ZNF330: variants seen among roughly 807,000 people sequenced by gnomAD.
ZNF330 encodes nucleolar atypical zinc finger, also known as zinc finger protein 330.
Under a neutral mutation model 45.5 loss-of-function variants are expected in ZNF330, and 31 were observed. The observed-to-expected ratio is 0.68, with a 90% CI of 0.51 to 0.92. The LOEUF (loss-of-function observed/expected upper bound fraction) is 0.92. ZNF330 is among the 40% of genes least tolerant of loss of function. The pLI is 0.00. For synonymous variants in ZNF330, 138 were observed against 123.2 expected, an observed-to-expected ratio of 1.12 and a Z score of -0.79; for missense variants, 356 against 387.4, an observed-to-expected ratio of 0.92 and a Z score of 0.68.
At chr4:141,231,364 A>T in intron 7 of ZNF330, 75 bp from the exon 8 acceptor site, 1 of 1,385,400 alleles carries the variant, frequency 7.2e-7, no homozygotes, top group Non-Finnish European at 9.9e-7. Flanking sequence ...GCAAGCTTTT[A>T]GTGATTTGAT....
At chr4:141,232,695 A>G (rs1157628694) in intron 9 of ZNF330, 53 bp downstream of exon 9, 2 of 1,013,244 alleles carry the variant, frequency 2.0e-6, no homozygotes, top group African/African-American at 1.7e-5. Context: ...ACTTAGACAA[A>G]GTTTATCTTT....
chr4:141,229,717 T>G lies in ZNF330; in HGVS notation c.418+20T>G. On this transcript the variant is annotated intron_variant, in intron 6 of 9. Coordinates refer to ENST00000262990, the MANE Select transcript of ZNF330 (RefSeq NM_014487.6). ...ACCATGGTGAGTCATTAGACACAAG[T>G]AATGAGCTTTGTTATAGGTGAATGT... 1 of 1,612,478 alleles carries G rather than the reference T, an allele frequency of 6.2e-7. No homozygotes were observed. The highest frequency in any genetic ancestry group is 1.1e-5 in the South Asian group (1 of 90,972).
chr4:141,224,827 T>C lies in ZNF330; in HGVS notation c.211+150T>C, dbSNP rs561691863. On this transcript the variant is annotated intron_variant, in intron 4 of 9. Transcript: ENST00000262990. ...TTAACAAAATAACAAAACATGTTAT[T>C]TTGCCTACCAAAAAACTATCAAGCC... is the stretch of plus-strand genomic sequence containing the variant. 1.1e-3 allele frequency: 709 copies of C among 652,830 alleles called. 2 individuals carry two copies. The highest frequency in any genetic ancestry group is 1.5e-3 in the Non-Finnish European group (595 of 388,488). 40.4% of individuals were successfully genotyped at this position (652,830 alleles called of 1,614,324 possible).
chr4:141,229,510 T>G, intron 5 of ZNF330, 61 bp from the exon 6 acceptor site: 1 of 1,604,446 alleles, frequency 6.2e-7, no homozygotes, highest in Non-Finnish European at 8.5e-7. Context: ...TTGCCGTGGT[T>G]AAAGAATGGT....
rs774888791 is a variant in ZNF330, at chr4:141,233,938, A to T, written c.912A>T (p.Leu304Phe). ...ESSDLFTNLN[L>F]GRTYASGYAH... ...CAGATTTGTTTACTAATTTGAATTTAGGAAGGACCTATGCTAGTGGCTATG... is the reference window on the plus strand; with the variant it reads ...CAGATTTGTTTACTAATTTGAATTTTGGAAGGACCTATGCTAGTGGCTATG... The change falls in exon 10 of 10, where the codon TTA (leucine) becomes TTT (phenylalanine). Residue 304 changes from leucine to phenylalanine, a missense_variant. Leu to Phe is a conservative substitution (Grantham distance 22). Coordinates refer to ENST00000262990, the MANE Select transcript of ZNF330 (RefSeq NM_014487.6). 8 of 1,613,668 alleles carry T rather than the reference A, an allele frequency of 5.0e-6. No homozygotes were observed. Among genetic ancestry groups the T allele is most frequent in the Non-Finnish European group, 5.9e-6 (7 of 1,179,770 alleles).
At chr4:141,222,863 C>T (rs1728717116) in intron 2 of ZNF330, 1 of 162,700 alleles carries the variant, frequency 6.1e-6, no homozygotes, top group Admixed American at 6.0e-5. Context: ...CTGTTGGCTT[C>T]CCATTCTATT....
chr4:141,231,469 C>G lies in ZNF330; in HGVS notation c.554C>G (p.Ser185Ter). 6.2e-7 allele frequency: 1 copy of G among 1,604,390 alleles called. No individual in the cohort carries two copies. Among genetic ancestry groups the G allele is most frequent in the Non-Finnish European group, 8.5e-7 (1 of 1,175,992 alleles). The change falls in exon 8 of 10, where the codon TCA becomes TGA. Residue 185 changes from serine to a stop codon, truncating the protein, a stop_gained. Transcript: ENST00000262990. LOFTEE classifies it high-confidence loss of function. ...TCATGCAATCGGCTTGGTCAGCACT[C>G]ATGTCTCCGTTGTAAGGTATACCAA... ...CVSCNRLGQH[S>*]CLRCKACFCD...
intron 5 of ZNF330, among the ~76,000 whole-genome samples, chr4:141,228,555 C>T (rs1728863889): frequency 6.6e-6 from 1 of 152,084 alleles, no homozygotes; most frequent in South Asian, 2.1e-4. Context: ...CTAAGAACTT[C>T]CCTGTCCTCT....
At chr4:141,221,339 G>A (rs578225502) in intron 1 of ZNF330, among the ~76,000 whole-genome samples, 49 of 152,198 alleles carry the variant, frequency 3.2e-4, no homozygotes, top group Non-Finnish European at 6.6e-4. Flanking sequence ...ACCCGTATAA[G>A]GCTGAGAAGA....
In ZNF330 at chr4:141,224,717, C is replaced by T. The variant is rs2111248510; in HGVS notation, c.211+40C>T. The stretch of plus-strand genomic sequence containing the variant: ...ATTAAGGACATATGCTTTTTATCAA[C>T]TGGTAGTTCAACAATTTGAACTTGG... On this transcript the variant is annotated intron_variant, in intron 4 of 9. Coordinates refer to ENST00000262990, the MANE Select transcript of ZNF330 (RefSeq NM_014487.6). 3.2e-6 allele frequency: 5 copies of T among 1,560,130 alleles called. No individual in the cohort carries two copies. In the East Asian group the frequency reaches 1.1e-4, roughly 35 times the overall value.
intron 4 of ZNF330, 100 bp downstream of exon 4, chr4:141,224,777 T>G (rs2111248619): frequency 1.1e-6 from 1 of 951,948 alleles, no homozygotes; most frequent in East Asian, 2.4e-5. Context: ...GTGCTTACAA[T>G]TGTTGATAAT....
intron 5 of ZNF330, 145 bp from the exon 6 acceptor site, chr4:141,229,426 A>G: frequency 2.9e-6 from 3 of 1,024,118 alleles, no homozygotes; most frequent in Middle Eastern, 5.1e-4. Flanking sequence ...TAGAGTGAGT[A>G]GTAAAATGTT....
chr4:141,229,095 C>T (rs1341310943), intron 5 of ZNF330, among the ~76,000 whole-genome samples: 1 of 151,926 alleles, frequency 6.6e-6, no homozygotes, highest in Non-Finnish European at 1.5e-5. Flanking sequence ...GCAGAAGTTT[C>T]GTATTTCTCA....
chr4:141,224,578 T>A (rs529827836), intron 3 of ZNF330, 29 bp from the exon 4 acceptor site: 1 of 1,611,604 alleles, frequency 6.2e-7, no homozygotes, highest in Non-Finnish European at 8.5e-7. Flanking sequence ...ACATTGACCA[T>A]AATTTAAAAT....
chr4:141,222,475 C>T lies in ZNF330; in HGVS notation c.104C>T (p.Pro35Leu), dbSNP rs1195658636. The T allele has an allele frequency of 6.2e-7, 1 of 1,612,092 alleles. No homozygotes were observed. Among genetic ancestry groups the T allele is most frequent in the African/African-American group, 1.3e-5 (1 of 74,758 alleles). ...SRSTIDLAKH[P>L]CNASMECDKC... is the part of the protein sequence containing the mutation. Reference sequence around the variant, plus strand: ...AGCACTATAGATTTAGCTAAACATCCATGTAATGCCTCAATGGTATCAGCT... The same window carrying T: ...AGCACTATAGATTTAGCTAAACATCTATGTAATGCCTCAATGGTATCAGCT... The change falls in exon 2 of 10, where the codon CCA (proline) becomes CTA (leucine). Residue 35 changes from proline to leucine, a missense_variant. Physicochemically the swap from Pro to Leu is moderately conservative, Grantham distance 98. Coordinates refer to ENST00000262990, the MANE Select transcript of ZNF330 (RefSeq NM_014487.6).
At chr4:141,227,703 A>G (rs1578810479) in intron 5 of ZNF330, among the ~76,000 whole-genome samples, 1 of 152,174 alleles carries the variant, frequency 6.6e-6, no homozygotes, top group Admixed American at 6.5e-5. Flanking sequence ...AACAGTATTT[A>G]GTGTACCGAA....
intron 2 of ZNF330, 65 bp from the exon 3 acceptor site, chr4:141,224,422 A>G (rs1728752217): frequency 6.9e-7 from 1 of 1,457,458 alleles, no homozygotes; most frequent in Admixed American, 1.8e-5. Flanking sequence ...TATTCTTTGT[A>G]ATACAAGTAA....
At chr4:141,221,368 G>A (rs551938741) in intron 1 of ZNF330, among the ~76,000 whole-genome samples, 3 of 152,162 alleles carry the variant, frequency 2.0e-5, no homozygotes, top group African/African-American at 4.8e-5. Flanking sequence ...TCTTTTGAGC[G>A]TGCAGAACAA....
chr4:141,228,714 C>G (rs1168011525), intron 5 of ZNF330, among the ~76,000 whole-genome samples: 1 of 152,200 alleles, frequency 6.6e-6, no homozygotes, highest in Non-Finnish European at 1.5e-5. Flanking sequence ...AACATTCTTC[C>G]TATTTGTTGT....
Sources: allele counts gnomAD v4.1 joint callset (sites outside exome capture counted in the v4.1 genomes callset), GRCh38; gene constraint gnomAD v4.1.1; transcripts MANE v1.5; gene names NCBI Gene and HGNC (gene_info 2026-07-23, HGNC 2026-07-21).